The following STK10 variants were observed in gnomAD, a reference collection of about 807,000 sequenced individuals.
STK10 encodes serine/threonine-protein kinase 10.
STK10 carries 78 observed loss-of-function variants against 113.8 expected under a neutral mutation model. The ratio of observed to expected loss-of-function variants is 0.69; its 90% CI spans 0.57 to 0.83. STK10 has a LOEUF of 0.83. STK10 is among the 40% of genes least tolerant of loss of function. STK10 has a pLI of 0.00. For synonymous variants in STK10, 465 were observed against 494.7 expected, an observed-to-expected ratio of 0.94 and a Z score of 0.80; for missense variants, 1,109 against 1,280.1, an observed-to-expected ratio of 0.87 and a Z score of 2.04.
chr5:172,063,400 C>G (rs73315812), intron 13 of STK10: 3 of 152,050 alleles, frequency 2.0e-5, no homozygotes, highest in Non-Finnish European at 2.9e-5. Flanking sequence ...AACAGGGTGT[C>G]TCTAGGTTTT....
chr5:172,098,091 TCAGA>T (rs1263564297), intron 7 of STK10, among the ~76,000 whole-genome samples: 1 of 152,152 alleles, frequency 6.6e-6, no homozygotes, highest in Non-Finnish European at 1.5e-5. Context: ...GTTTTTACTC[TCAGA>T]CAATTTATCC....
chr5:172,127,452 AGTGGGGCTGCCCAGCCGTCGAGACGG>A, intron 2 of STK10, 31 bp from the exon 3 acceptor site: 7 of 1,612,292 alleles, frequency 4.3e-6, no homozygotes. Flanking sequence ...AGTGACAATG[AGTGGGGCTGCCCAGCCGTCGAGACGG>A]GAACCCCACA....
At chr5:172,062,009 G>C (rs34878197) in intron 13 of STK10, among the ~76,000 whole-genome samples, 1,699 of 148,326 alleles carry the variant, frequency 0.011, 34 homozygotes, top group African/African-American at 0.04. Flanking sequence ...AGAGAGTCTC[G>C]CTCTGTCACC....
At chr5:172,055,527 G>T in intron 16 of STK10, 61 bp downstream of exon 16, 1 of 1,338,382 alleles carries the variant, frequency 7.5e-7, no homozygotes, top group African/African-American at 1.5e-5. Flanking sequence ...CCCAGGTCCC[G>T]CCAAACCTGG....
chr5:172,132,071 G>A (rs943210322), intron 2 of STK10, among the ~76,000 whole-genome samples: 10 of 152,188 alleles, frequency 6.6e-5, no homozygotes, highest in Admixed American at 5.2e-4. Flanking sequence ...CCATGAGCTA[G>A]ATAAATTTCT....
chr5:172,145,753 T>C (rs1211602670), intron 2 of STK10, among the ~76,000 whole-genome samples: 2 of 151,988 alleles, frequency 1.3e-5, no homozygotes, highest in Non-Finnish European at 2.9e-5. Flanking sequence ...AAAGTGGGGG[T>C]GATGGTAGAG....
At chr5:172,098,663 A>T (rs942389623) in intron 7 of STK10, among the ~76,000 whole-genome samples, 2 of 152,192 alleles carry the variant, frequency 1.3e-5, no homozygotes, top group African/African-American at 4.8e-5. Context: ...TTAAGGGTTT[A>T]CTAATCATAG....
intron 12 of STK10, among the ~76,000 whole-genome samples, chr5:172,071,698 G>A (rs1360703903): frequency 6.6e-6 from 1 of 151,972 alleles, no homozygotes; most frequent in Non-Finnish European, 1.5e-5. Flanking sequence ...GAACCATCAT[G>A]TAAGGCTCCC....
At chr5:172,092,329 A>G (rs1357746888) in intron 9 of STK10, 1 of 152,258 alleles carries the variant, frequency 6.6e-6, no homozygotes, top group Admixed American at 6.5e-5. Context: ...TCCCTGACGC[A>G]ATGCAGTCAA....
intron 1 of STK10, among the ~76,000 whole-genome samples, chr5:172,173,915 T>A (rs1001339072): frequency 9.2e-5 from 14 of 152,186 alleles, no homozygotes; most frequent in African/African-American, 3.1e-4. Context: ...CTGTTTTGAT[T>A]TAGACGTCAC....
intron 2 of STK10, among the ~76,000 whole-genome samples, chr5:172,130,122 C>T (rs1336970186): frequency 4.6e-5 from 7 of 152,164 alleles, no homozygotes; most frequent in Admixed American, 3.9e-4. Context: ...GTTAGCCTCC[C>T]TAACACCTAC....
At chr5:172,148,061 C>T (rs1386416591) in intron 2 of STK10, among the ~76,000 whole-genome samples, 1 of 152,154 alleles carries the variant, frequency 6.6e-6, no homozygotes, top group Admixed American at 6.5e-5. Context: ...GGCTTGGAGT[C>T]ATACCATGAA....
rs199959256 is a variant in STK10 at position 172,052,936 on chromosome 5, C to T, written c.2759G>A (p.Arg920His). The change falls in exon 18 of 19, where the codon CGC becomes CAC. Residue 920 changes from arginine (R) to histidine (H), a missense_variant. Around this residue, in one of 5 missense-constraint regions of STK10, gnomAD observed 885 missense variants for 991.1 expected, o/e 0.89. Transcript: ENST00000176763. ...LKEWRDKLRP[R>H]KKALEEDLNQ... is the part of the protein sequence containing the mutation. ...CAGCTCGGATAAAGTTACCTTCTTGCGCGGCCGAAGCTTGTCCCGCCATTC... is the reference window on the plus strand; with the variant it reads ...CAGCTCGGATAAAGTTACCTTCTTGTGCGGCCGAAGCTTGTCCCGCCATTC... The T allele has an allele frequency of 4.9e-5, 79 of 1,613,944 alleles. No individual in the cohort carries two copies. Among genetic ancestry groups the T allele is most frequent in the South Asian group, 1.4e-4 (13 of 91,060 alleles).
intron 4 of STK10, among the ~76,000 whole-genome samples, chr5:172,116,320 G>T (rs1050929134): frequency 5.9e-5 from 9 of 152,042 alleles, no homozygotes; most frequent in Admixed American, 5.9e-4. Flanking sequence ...GACCTCAGGT[G>T]ATCCACCCAC....
intron 7 of STK10, among the ~76,000 whole-genome samples, chr5:172,101,024 G>A (rs1421609868): frequency 6.6e-6 from 1 of 152,156 alleles, no homozygotes; most frequent in East Asian, 1.9e-4. Context: ...CTTCACTGCT[G>A]TGTGCCTCCG....
chr5:172,150,481 C>CAAA (rs61247858), intron 2 of STK10, among the ~76,000 whole-genome samples: 3 of 106,818 alleles, frequency 2.8e-5, no homozygotes, highest in African/African-American at 9.7e-5. Flanking sequence ...AACAACACCT[C>CAAA]AAAAAAAAAA....
At chr5:172,095,415 C>T (rs1768825647) in intron 8 of STK10, among the ~76,000 whole-genome samples, 1 of 152,210 alleles carries the variant, frequency 6.6e-6, no homozygotes, top group African/African-American at 2.4e-5. Flanking sequence ...CCTCCTGGAG[C>T]CAGGCCCCAC....
chr5:172,054,205 C>T (rs1767694746), intron 17 of STK10, among the ~76,000 whole-genome samples: 1 of 152,144 alleles, frequency 6.6e-6, no homozygotes, highest in African/African-American at 2.4e-5. Context: ...AAAAGCAGCC[C>T]ACAAGGGGCT....
chr5:172,171,761 G>GAATAGAATAGAATAGAATA (rs59355985), intron 1 of STK10, among the ~76,000 whole-genome samples: 3 of 152,136 alleles, frequency 2.0e-5, no homozygotes, highest in Non-Finnish European at 2.9e-5. Context: ...GAATAGAATA[G>GAATAGAATAGAATAGAATA]GCTGGGTCCA....
Sources: allele counts gnomAD v4.1 joint callset (sites outside exome capture counted in the v4.1 genomes callset), GRCh38; gene constraint gnomAD v4.1.1; regional missense constraint gnomAD v4.1.1; transcripts MANE v1.5; gene names NCBI Gene and HGNC (gene_info 2026-07-23, HGNC 2026-07-21).